The following PARP1 variants were observed in gnomAD, a reference collection of about 807,000 sequenced individuals.
The protein encoded by PARP1 is poly [ADP-ribose] polymerase 1.
In PARP1, 44 loss-of-function variants were observed where a neutral mutation model predicts 118.7. That is an observed-to-expected ratio of 0.37 (90% confidence interval 0.29 to 0.48). The LOEUF is 0.48. Among genes scored for constraint, PARP1 ranks in the 20% least tolerant of loss-of-function variants. The pLI is 0.99. For synonymous variants in PARP1, 492 were observed against 483.2 expected, an observed-to-expected ratio of 1.02 and a Z score of -0.24; for missense variants, 1,100 against 1,272.4, an observed-to-expected ratio of 0.86 and a Z score of 2.06.
intron 20 of PARP1, 121 bp from the exon 21 acceptor site, chr1:226,363,281 T>C: frequency 2.6e-6 from 2 of 756,742 alleles, no homozygotes; most frequent in Non-Finnish European, 4.8e-6. Flanking sequence ...ACCCAGACCA[T>C]CTAAACTGCT....
chr1:226,362,195 T>C, intron 21 of PARP1, 112 bp from the exon 22 acceptor site: 1 of 697,038 alleles, frequency 1.4e-6, no homozygotes, highest in Non-Finnish European at 2.6e-6. Flanking sequence ...TTTTTTTTTT[T>C]TTTCCTTTTT....
At chr1:226,390,354 G>A in intron 4 of PARP1, 56 bp downstream of exon 4, 1 of 1,487,526 alleles carries the variant, frequency 6.7e-7, no homozygotes, top group East Asian at 2.3e-5. Context: ...GGGCCTTTGG[G>A]CCTCCCTTGA....
At position 226,364,992 on chromosome 1, in the gene PARP1, A is replaced by G; in HGVS notation, c.2658+10T>C. ...GGCATTGCCCACCCCTCGCCAGGCC[A>G]GGCACATACCACGGGCGCTTCAGGC... On this transcript the variant is annotated intron_variant, in intron 19 of 22. Transcript: ENST00000366794. The G allele has an allele frequency of 1.2e-6, 2 of 1,613,468 alleles. No homozygotes were observed. The highest frequency in any genetic ancestry group is 1.7e-6 in the Non-Finnish European group (2 of 1,179,982).
chr1:226,365,341 C>T (rs3219140), intron 18 of PARP1, among the ~76,000 whole-genome samples, 187 bp from the exon 19 acceptor site: 5,525 of 152,316 alleles, frequency 0.036, 108 homozygotes, highest in Non-Finnish European at 0.045. Context: ...TGCCCAGCAG[C>T]GCCCAGCCAT....
chr1:226,391,855 A>T (rs928117183), intron 3 of PARP1, among the ~76,000 whole-genome samples: 11 of 152,222 alleles, frequency 7.2e-5, no homozygotes, highest in African/African-American at 2.7e-4. Flanking sequence ...AGAAGGCTGG[A>T]GGCTCATAAC....
rs1258894520 is a variant in PARP1 at position 226,381,005 on chromosome 1, C to A, written c.1300+63G>T. The A allele has an allele frequency of 3.2e-6, 5 of 1,582,940 alleles. No individual in the cohort carries two copies. The East Asian group carries it at 1.1e-4, about 35-fold the overall frequency. ...TGTGTTCGACTCTTCCTCACTTACT[C>A]GTCATCACAATCATAAGATACAGAA... is the stretch of plus-strand genomic sequence containing the variant. On this transcript the variant is annotated intron_variant, in intron 9 of 22. Transcript: ENST00000366794.
intron 14 of PARP1, chr1:226,371,232 G>A (rs1203990605): frequency 6.4e-6 from 1 of 155,214 alleles, no homozygotes; most frequent in Non-Finnish European, 1.4e-5. Flanking sequence ...CCCCTGCGTG[G>A]AGACACCTGT....
intron 14 of PARP1, among the ~76,000 whole-genome samples, chr1:226,372,269 C>T (rs1664400067): frequency 6.6e-6 from 1 of 152,242 alleles, no homozygotes; most frequent in Non-Finnish European, 1.5e-5. Flanking sequence ...GTGGGCACCC[C>T]GCTTTCCACA....
intron 2 of PARP1, chr1:226,392,665 G>T (rs1044627131): frequency 1.5e-5 from 8 of 536,744 alleles, no homozygotes; most frequent in Middle Eastern, 4.9e-4. Flanking sequence ...GCATACTGAC[G>T]TCTCACTAAG....
At chr1:226,370,341 C>T (rs559458353) in intron 15 of PARP1, 93 bp downstream of exon 15, 2 of 919,194 alleles carry the variant, frequency 2.2e-6, no homozygotes, top group Non-Finnish European at 3.7e-6. Context: ...GTTTCTTAAC[C>T]TTGAGTAAAT....
chr1:226,389,556 A>G (rs912921897), intron 4 of PARP1, among the ~76,000 whole-genome samples: 1 of 152,248 alleles, frequency 6.6e-6, no homozygotes, highest in African/African-American at 2.4e-5. Context: ...AATGTGCTCA[A>G]CACATTCTGG....
intron 1 of PARP1, among the ~76,000 whole-genome samples, chr1:226,405,453 G>A (rs1457252063): frequency 2.6e-5 from 4 of 151,930 alleles, no homozygotes; most frequent in Admixed American, 6.6e-5. Flanking sequence ...TAACAGGCAC[G>A]CACCACCACG....
intron 13 of PARP1, among the ~76,000 whole-genome samples, chr1:226,375,340 A>G (rs1664468117): frequency 6.6e-6 from 1 of 152,202 alleles, no homozygotes; most frequent in African/African-American, 2.4e-5. Flanking sequence ...ACCTACTTGT[A>G]ATGACAACAA....
At chr1:226,399,728 T>A (rs578014877) in intron 2 of PARP1, among the ~76,000 whole-genome samples, 58 of 152,302 alleles carry the variant, frequency 3.8e-4, no homozygotes, top group African/African-American at 1.4e-3. Flanking sequence ...ACCACTCCGA[T>A]AACGATGTGT....
At chr1:226,383,626 T>C (rs1432817901) in intron 7 of PARP1, among the ~76,000 whole-genome samples, 1 of 152,168 alleles carries the variant, frequency 6.6e-6, no homozygotes, top group Non-Finnish European at 1.5e-5. Context: ...ACTGGGAGAT[T>C]ATTACCCAAA....
chr1:226,379,003 T>A, intron 12 of PARP1, 139 bp downstream of exon 12: 1 of 1,024,978 alleles, frequency 9.8e-7, no homozygotes, highest in Non-Finnish European at 1.5e-6. Flanking sequence ...GGCCTTATAA[T>A]TTGTTTTTGA....
chr1:226,367,658 C>G (rs964742250), intron 16 of PARP1, 50 bp from the exon 17 acceptor site: 3 of 1,608,500 alleles, frequency 1.9e-6, no homozygotes, highest in Non-Finnish European at 2.5e-6. Context: ...GTGAATGAGA[C>G]AGACTCACCC....
At chr1:226,378,832 C>CA (rs1051760621) in intron 12 of PARP1, among the ~76,000 whole-genome samples, 2 of 152,022 alleles carry the variant, frequency 1.3e-5, no homozygotes, top group Admixed American at 1.3e-4. Context: ...GAGACTATTT[C>CA]AAAAAACAAA....
At chr1:226,407,442 T>C (rs779859806) in intron 1 of PARP1, among the ~76,000 whole-genome samples, 9 of 150,082 alleles carry the variant, frequency 6.0e-5, no homozygotes, top group Non-Finnish European at 4.4e-5. Context: ...CAGAACAAGA[T>C]AGGTCAAAAT....
Sources: allele counts gnomAD v4.1 joint callset (sites outside exome capture counted in the v4.1 genomes callset), GRCh38; gene constraint gnomAD v4.1.1; transcripts MANE v1.5; gene names NCBI Gene and HGNC (gene_info 2026-07-23, HGNC 2026-07-21).